Variants in KAZN observed in about 807,000 individuals in gnomAD.
KAZN encodes kazrin.
A neutral mutation model predicts 87.4 loss-of-function variants in KAZN; 40 were observed. The observed-to-expected ratio is 0.46, with a 90% CI of 0.36 to 0.60. The LOEUF (loss-of-function observed/expected upper bound fraction) is 0.60, where lower values mean the gene tolerates loss of function less well. Ranked by LOEUF, KAZN falls within the 20% of genes least tolerant of loss-of-function variation. The probability of loss-of-function intolerance (pLI) is 0.00; values close to 1 mark genes in which losing one functional copy is unlikely to be tolerated. For synonymous variants in KAZN, 466 were observed against 458.3 expected, an observed-to-expected ratio of 1.02 and a Z score of -0.22; for missense variants, 898 against 1,073.9, an observed-to-expected ratio of 0.84 and a Z score of 2.29.
At chr1:15,060,666 CT>C (rs1638718508) in intron 6 of KAZN, 1 of 246,644 alleles carries the variant, frequency 4.1e-6, no homozygotes, top group African/African-American at 2.2e-5. Context: ...CCTCATTTCC[CT>C]TTAGAGCCAG....
chr1:14,748,372 G>A (rs1459447464), intron 1 of KAZN, among the ~76,000 whole-genome samples: 6 of 152,160 alleles, frequency 3.9e-5, no homozygotes, highest in Non-Finnish European at 8.8e-5. Context: ...GGGCATCATC[G>A]CATGGCTGGG....
In KAZN at chr1:15,094,789, C is replaced by A; in HGVS notation, c.1429-26C>A. ...CCCCGCCGGCAGCTGTCCCAGCCCC[C>A]ATATGACACTCCCTCCCGGGGGCAG... On this transcript the variant is annotated intron_variant, in intron 9 of 14. Coordinates refer to ENST00000376030, the MANE Select transcript of KAZN (RefSeq NM_201628.3). The surrounding 1 kb of genome is among the most constrained non-coding windows in gnomAD (Gnocchi z 4.5). 1 of 1,524,186 alleles carries A rather than the reference C, an allele frequency of 6.6e-7. No individual in the cohort carries two copies. Among genetic ancestry groups the A allele is most frequent in the South Asian group, 1.2e-5 (1 of 83,414 alleles). 94.4% of individuals were successfully genotyped at this position (1,524,186 alleles called of 1,614,324 possible).
intron 1 of KAZN, among the ~76,000 whole-genome samples, chr1:14,062,294 C>T (rs1642825866): frequency 6.6e-6 from 1 of 152,094 alleles, no homozygotes; most frequent in South Asian, 2.1e-4. Flanking sequence ...CCTGGAGTTC[C>T]CAGATGGCCT....
chr1:14,159,179 C>G lies in KAZN; in HGVS notation c.92-21256C>G, dbSNP rs544901234. ...GATAGCAAAGCCAACCAGGCATTGT[C>G]CTTCCCTTCAAGGTGATGAGTTCCC... On this transcript the variant is annotated intron_variant, in intron 1 of 16. Coordinates refer to the KAZN transcript ENST00000636203. Among the ~76,000 whole-genome samples the G allele has an allele frequency of 1.2e-4, 19 of 152,328 alleles. 1 individual carries two copies. The highest frequency in any genetic ancestry group is 7.2e-4 in the Admixed American group (11 of 15,304).
intron 1 of KAZN, among the ~76,000 whole-genome samples, chr1:14,602,941 G>C (rs574393726): frequency 6.6e-6 from 1 of 152,344 alleles, no homozygotes; most frequent in East Asian, 1.9e-4. Context: ...ATGGAGGCAA[G>C]GGTCGGTTTC....
chr1:14,459,491 C>T (rs1056829105), intron 2 of KAZN, among the ~76,000 whole-genome samples: 4 of 152,080 alleles, frequency 2.6e-5, no homozygotes, highest in African/African-American at 4.8e-5. Flanking sequence ...GATGGCGCAT[C>T]GTTTTTATCT....
intron 1 of KAZN, among the ~76,000 whole-genome samples, chr1:14,791,273 G>A (rs528201072): frequency 6.6e-6 from 1 of 152,122 alleles, no homozygotes; most frequent in Admixed American, 6.5e-5. Flanking sequence ...GCATCTTCCC[G>A]CCAGCTTGGG....
chr1:14,748,823 C>A (rs1464968924), intron 1 of KAZN, among the ~76,000 whole-genome samples: 22 of 152,186 alleles, frequency 1.4e-4, no homozygotes, highest in African/African-American at 4.8e-4. Flanking sequence ...ACCAAGAGTG[C>A]TGATGCCAAC....
intron 2 of KAZN, among the ~76,000 whole-genome samples, chr1:14,408,146 A>T (rs1664015859): frequency 6.6e-6 from 1 of 152,172 alleles, no homozygotes; most frequent in South Asian, 2.1e-4. Flanking sequence ...ATTTGGTCAT[A>T]ATTAAAAGTC....
intron 1 of KAZN, among the ~76,000 whole-genome samples, chr1:14,825,589 C>T (rs1039238087): frequency 2.0e-5 from 3 of 152,158 alleles, no homozygotes; most frequent in African/African-American, 4.8e-5. Flanking sequence ...ATTTTCCAGG[C>T]AAGCAAACTG....
intron 1 of KAZN, among the ~76,000 whole-genome samples, chr1:14,834,800 T>G (rs975687764): frequency 1.4e-5 from 2 of 147,180 alleles, no homozygotes; most frequent in African/African-American, 5.3e-5. Flanking sequence ...GCTTGGAGCC[T>G]AGGGGAATTA....
chr1:14,190,549 T>C (rs1646402048), intron 2 of KAZN, among the ~76,000 whole-genome samples: 1 of 152,176 alleles, frequency 6.6e-6, no homozygotes, highest in African/African-American at 2.4e-5. Context: ...TACTTGCCCT[T>C]TGATTCTGAA....
At chr1:13,983,340 C>T (rs1343114108) in intron 1 of KAZN, among the ~76,000 whole-genome samples, 3 of 152,250 alleles carry the variant, frequency 2.0e-5, no homozygotes, top group South Asian at 2.1e-4. Context: ...GCGAGAAATC[C>T]AGCGCAGTGC....
At chr1:14,831,830 A>G (rs1647056853) in intron 1 of KAZN, among the ~76,000 whole-genome samples, 1 of 152,008 alleles carries the variant, frequency 6.6e-6, no homozygotes, top group Non-Finnish European at 1.5e-5. Context: ...CCTCCTCTGA[A>G]ATCCTCACTG....
At chr1:14,113,523 G>A (rs927783847) in intron 1 of KAZN, among the ~76,000 whole-genome samples, 2 of 152,180 alleles carry the variant, frequency 1.3e-5, no homozygotes, top group Non-Finnish European at 2.9e-5. Context: ...TCCTTCCCAC[G>A]TACTTGGTAT....
At chr1:14,253,760 G>A (rs1571149880) in intron 2 of KAZN, among the ~76,000 whole-genome samples, 1 of 152,208 alleles carries the variant, frequency 6.6e-6, no homozygotes, top group Non-Finnish European at 1.5e-5. Context: ...CTAAGAGAGA[G>A]CTCTTTGGCA....
chr1:14,255,119 C>CAAAAAAAAAAAAAAAA (rs71570191), intron 2 of KAZN, among the ~76,000 whole-genome samples: 1 of 83,758 alleles, frequency 1.2e-5, no homozygotes, highest in Admixed American at 1.3e-4. Context: ...GACTCTGTCT[C>CAAAAAAAAAAAAAAAA]AAAAAAAAAA....
At chr1:14,958,562 T>C (rs1469587829) in intron 1 of KAZN, among the ~76,000 whole-genome samples, 1 of 152,162 alleles carries the variant, frequency 6.6e-6, no homozygotes, top group Non-Finnish European at 1.5e-5. Context: ...GTTAGACCCG[T>C]TTAACAGATG....
At chr1:14,670,376 GCTT>G (rs59728839) in intron 1 of KAZN, among the ~76,000 whole-genome samples, 27,045 of 152,084 alleles carry the variant, frequency 0.18, 3,059 homozygotes, top group Admixed American at 0.3. Context: ...CCACCCTAGA[GCTT>G]CTGCTACCTT....
Sources: allele counts gnomAD v4.1 joint callset (sites outside exome capture counted in the v4.1 genomes callset), GRCh38; gene constraint gnomAD v4.1.1; non-coding constraint Gnocchi (gnomAD v3.1); transcripts MANE v1.5; gene names NCBI Gene and HGNC (gene_info 2026-07-23, HGNC 2026-07-21).